F9: variants seen among roughly 807,000 people sequenced by gnomAD.
F9 encodes Christmas factor.
Under a neutral mutation model 34.1 loss-of-function variants are expected in F9, and 2 were observed. The ratio of observed to expected loss-of-function variants is 0.06; its 90% CI spans 0.02 to 0.18. F9 has a LOEUF of 0.18. F9 is among the 10% of genes least tolerant of loss of function. The pLI, the probability that F9 is intolerant of heterozygous loss-of-function variation, is 1.00. For missense variants in F9, 216 were observed against 345.1 expected (o/e 0.63, Z 2.96); for synonymous variants, 137 against 118.8 (o/e 1.15, Z -1.00).
intron 6 of F9, among the ~76,000 whole-genome samples, chrX:139,555,055 C>T (rs906838458): frequency 8.9e-6 from 1 of 112,292 alleles, no homozygotes; most frequent in African/African-American, 3.2e-5. Context: ...AAGTTGCAAG[C>T]AGGCAAGACG....
intron 6 of F9, among the ~76,000 whole-genome samples, chrX:139,556,900 T>C (rs770183433): frequency 8.9e-6 from 1 of 112,396 alleles, no homozygotes; most frequent in Admixed American, 9.4e-5. Context: ...AAACACTCTT[T>C]ATTGTACAAC....
At chrX:139,534,590 C>T (rs915633541) in intron 1 of F9, among the ~76,000 whole-genome samples, 1 of 112,437 alleles carries the variant, frequency 8.9e-6, no homozygotes, top group African/African-American at 3.2e-5. Context: ...CTAAACAATA[C>T]AGCATAACAA....
intron 1 of F9, among the ~76,000 whole-genome samples, chrX:139,536,421 T>A (rs1191842970): frequency 9.1e-6 from 1 of 109,932 alleles, no homozygotes; most frequent in Non-Finnish European, 1.9e-5. Context: ...AAAAAACATA[T>A]CCTGAATTCT....
chrX:139,561,005 G>A (rs1239126675), intron 7 of F9, 150 bp downstream of exon 7: 20 of 497,940 alleles, frequency 4.0e-5, no homozygotes, highest in East Asian at 1.1e-4. Flanking sequence ...ACGTCGCACC[G>A]TCCTCCAAGC....
At chrX:139,542,588 G>A (rs929715880) in intron 4 of F9, among the ~76,000 whole-genome samples, 10 of 111,866 alleles carry the variant, frequency 8.9e-5, no homozygotes, top group Non-Finnish European at 1.9e-4. Flanking sequence ...GGAGCTGAGG[G>A]AATGAGTAAC....
chrX:139,546,080 C>G (rs1927709635), intron 4 of F9, among the ~76,000 whole-genome samples: 1 of 111,032 alleles, frequency 9.0e-6, no homozygotes, highest in South Asian at 3.9e-4. Context: ...TCATCCCACC[C>G]TCCTCCCTCA....
At chrX:139,557,532 G>A (rs181801868) in intron 6 of F9, among the ~76,000 whole-genome samples, 1 of 111,950 alleles carries the variant, frequency 8.9e-6, no homozygotes, top group African/African-American at 3.2e-5. Context: ...TAATCTCTCT[G>A]CCCAGGGGCT....
chrX:139,560,942 ATTG>A (rs1928086408), intron 7 of F9, 87 bp downstream of exon 7: 2 of 769,173 alleles, frequency 2.6e-6, no homozygotes, highest in Non-Finnish European at 4.0e-6. Context: ...GTCTAATAAA[ATTG>A]TTGTTGAATA....
intron 5 of F9, 82 bp from the exon 6 acceptor site, chrX:139,550,980 G>T: frequency 1.2e-6 from 1 of 853,267 alleles, no homozygotes; most frequent in Non-Finnish European, 1.7e-6. Context: ...ACAAGGATGG[G>T]CCTCAATCTC....
chrX:139,552,598 ATTC>A (rs935292735), intron 6 of F9, among the ~76,000 whole-genome samples: 11 of 112,475 alleles, frequency 9.8e-5, no homozygotes, highest in African/African-American at 3.6e-4. Flanking sequence ...GAAATTAAAA[ATTC>A]AATTCCTCAA....
In F9 at chrX:139,551,199, T is replaced by A. The variant is rs777361659; in HGVS notation, c.658T>A (p.Ser220Thr). 74 of 1,209,534 alleles carry A rather than the reference T, an allele frequency of 6.1e-5. 1 individual carries two copies. In the Admixed American group the frequency reaches 1.6e-3, roughly 25 times the overall value. The part of the protein sequence containing the change: ...ILDNITQSTQ[S>T]FNDFTRVVGG... The stretch of plus-strand genomic sequence containing the variant: ...GGATAACATCACTCAAAGCACCCAA[T>A]CATTTAATGACTTCACTCGGGTTGT... The change falls in exon 6 of 8, where the codon TCA becomes ACA. Residue 220 changes from serine (S) to threonine (T), a missense_variant. By Grantham distance (58) the Ser-to-Thr change is moderately conservative (BLOSUM62 1). Coordinates refer to ENST00000218099, the MANE Select transcript of F9 (RefSeq NM_000133.4).
chrX:139,536,264 T>C (rs1453892315), intron 1 of F9, among the ~76,000 whole-genome samples: 1 of 65,889 alleles, frequency 1.5e-5, no homozygotes, highest in Non-Finnish European at 3.5e-5. Context: ...CACATATATG[T>C]ATATATATAT....
Position 139,562,027 on chromosome X carries a change from TC to T in F9, c.1345del (p.Arg449GlyfsTer34). ...KGKYGIYTKV[S>X]RYVNWIKEKT... ...CAAATATGGAATATATACCAAGGTA[TC>T]CCGGTATGTCAACTGGATTAAGGAA... On this transcript the variant is annotated frameshift_variant, in exon 8 of 8. Transcript: ENST00000218099. LOFTEE classifies it high-confidence loss of function. The T allele has an allele frequency of 8.3e-7, 1 of 1,210,913 alleles. No individual in the cohort carries two copies. Among genetic ancestry groups the T allele is most frequent in the Non-Finnish European group, 1.1e-6 (1 of 895,028 alleles).
chrX:139,561,393 C>A, intron 7 of F9, 131 bp from the exon 8 acceptor site: 1 of 609,933 alleles, frequency 1.6e-6, no homozygotes, highest in Non-Finnish European at 2.5e-6. Context: ...TTACATTTAA[C>A]CAAAATTATC....
chrX:139,554,367 T>C (rs1050921804), intron 6 of F9, among the ~76,000 whole-genome samples: 7 of 112,340 alleles, frequency 6.2e-5, no homozygotes, highest in Non-Finnish European at 1.3e-4. Context: ...AGCACTTTTA[T>C]TCTTTTCCAA....
rs1388965650 is a variant in F9 at position 139,563,254 on chromosome X, C to T, written c.*1183C>T. 1.8e-5 allele frequency: 2 copies of T among 110,713 alleles called. No homozygotes were observed. The highest frequency in any genetic ancestry group is 6.6e-5 in the African/African-American group (2 of 30,442). 9.1% of individuals were successfully genotyped at this position (110,713 alleles called of 1,213,427 possible). On this transcript the variant is annotated 3_prime_UTR_variant, in exon 8 of 8. Coordinates refer to ENST00000218099, the MANE Select transcript of F9 (RefSeq NM_000133.4). ...TAAGTATCATGTCTCCTTTAACTAG[C>T]ATACCCCGAAGTGGAGAAGGGTGCA...
chrX:139,558,390 T>C (rs1196269153), intron 6 of F9, among the ~76,000 whole-genome samples: 2 of 113,547 alleles, frequency 1.8e-5, no homozygotes, highest in African/African-American at 3.2e-5. Flanking sequence ...TGGGGCCCAG[T>C]GTCCTGTGGC....
At chrX:139,553,176 C>G (rs1447840033) in intron 6 of F9, among the ~76,000 whole-genome samples, 1 of 111,635 alleles carries the variant, frequency 9.0e-6, no homozygotes, top group African/African-American at 3.3e-5. Flanking sequence ...ACTGTATGTT[C>G]CTTTTTACCT....
chrX:139,553,107 CT>C (rs1363506745), intron 6 of F9, among the ~76,000 whole-genome samples: 1 of 111,926 alleles, frequency 8.9e-6, no homozygotes, highest in African/African-American at 3.3e-5. Context: ...TTTCTTTTAC[CT>C]TTGCTTTTTA....
Sources: gnomAD v4.1 joint callset for allele counts (sites outside exome capture counted in the v4.1 genomes callset) on GRCh38, gnomAD v4.1.1 for gene constraint, MANE v1.5 for transcripts, NCBI Gene and HGNC (gene_info 2026-07-23, HGNC 2026-07-21) for gene names.